TMEM268: variants seen among roughly 807,000 people sequenced by gnomAD.
TMEM268 encodes the protein transmembrane protein 268.
In TMEM268, 24 loss-of-function variants were observed where a neutral mutation model predicts 39.1. The observed-to-expected ratio is 0.61, with a 90% confidence interval of 0.44 to 0.86. TMEM268 has a LOEUF of 0.86. TMEM268 is among the 40% of genes least tolerant of loss of function. The pLI, the probability that TMEM268 is intolerant of heterozygous loss-of-function variation, is 0.00. For synonymous variants in TMEM268, 176 were observed against 173.5 expected (o/e 1.01, Z -0.12); for missense variants, 409 against 428.6 (o/e 0.95, Z 0.40).
At chr9:114,614,090 C>T (rs1845609977) in intron 1 of TMEM268, among the ~76,000 whole-genome samples, 2 of 152,318 alleles carry the variant, frequency 1.3e-5, no homozygotes, top group South Asian at 4.1e-4. Context: ...CCCCATTTTA[C>T]AGATGAGAAC....
At chr9:114,617,067 CG>C (rs1204711817) in intron 1 of TMEM268, 50 bp from the exon 2 acceptor site, 8 of 609,074 alleles carry the variant, frequency 1.3e-5, no homozygotes, top group Non-Finnish European at 2.0e-5. Flanking sequence ...CTAGGAACCC[CG>C]GCTTGCCCAG....
Position 114,643,510 on chromosome 9 carries a change from GCTGACCCC to G in TMEM268, c.*201_*208del. The G allele has an allele frequency of 1.7e-6, 1 of 587,526 alleles. No homozygotes were observed. Among genetic ancestry groups the G allele is most frequent in the South Asian group, 2.1e-5 (1 of 48,150 alleles). The allele number at this position is 587,526 out of a possible 1,614,324, so 36.4% of individuals were successfully genotyped here. On this transcript the variant is annotated 3_prime_UTR_variant, in exon 9 of 9. Transcript: ENST00000288502. ...CAAAAATCCTTGTTTGACATCTCAT[GCTGACCCC>G]CTGGCCTTTGCAGAAGCTGATGGTT...
At chr9:114,633,327 A>T (rs1363694865) in intron 5 of TMEM268, among the ~76,000 whole-genome samples, 1 of 151,718 alleles carries the variant, frequency 6.6e-6, no homozygotes, top group Non-Finnish European at 1.5e-5. Flanking sequence ...ACGCCCAGCT[A>T]ATTTTTGTAT....
At chr9:114,614,566 C>T (rs570908861) in intron 1 of TMEM268, among the ~76,000 whole-genome samples, 1 of 152,348 alleles carries the variant, frequency 6.6e-6, no homozygotes, top group African/African-American at 2.4e-5. Flanking sequence ...CCTGTTCCCC[C>T]TCTAGGGGGC....
intron 6 of TMEM268, among the ~76,000 whole-genome samples, chr9:114,634,798 AC>A (rs140432963): frequency 0.063 from 9,646 of 152,248 alleles, 472 homozygotes; most frequent in South Asian, 0.19. Flanking sequence ...AGCAGAGAAC[AC>A]ATGCAGGTCC....
chr9:114,626,536 A>T (rs190798782), intron 3 of TMEM268, among the ~76,000 whole-genome samples: 3 of 152,364 alleles, frequency 2.0e-5, no homozygotes, highest in Admixed American at 1.3e-4. Flanking sequence ...TTTACAGAGG[A>T]AAAAACAGGC....
At chr9:114,621,452 G>A (rs1223551919) in intron 2 of TMEM268, among the ~76,000 whole-genome samples, 3 of 152,314 alleles carry the variant, frequency 2.0e-5, no homozygotes, top group South Asian at 4.1e-4. Flanking sequence ...GGGATTCAGT[G>A]ATGAACAAAC....
intron 2 of TMEM268, 138 bp downstream of exon 2, chr9:114,617,439 C>T: frequency 1.4e-6 from 1 of 718,584 alleles, no homozygotes; most frequent in Non-Finnish European, 2.5e-6. Context: ...CCAGTTCTGT[C>T]TCTTGGCCTT....
intron 1 of TMEM268, among the ~76,000 whole-genome samples, chr9:114,614,966 G>A (rs1305491617): frequency 6.7e-6 from 1 of 149,680 alleles, no homozygotes; most frequent in Non-Finnish European, 1.5e-5. Flanking sequence ...GCGTGATCTC[G>A]GCTCACTGCA....
intron 2 of TMEM268, among the ~76,000 whole-genome samples, chr9:114,622,947 A>T (rs535006976): frequency 1.3e-5 from 2 of 152,072 alleles, no homozygotes; most frequent in South Asian, 4.1e-4. Flanking sequence ...AAAATTAGCC[A>T]GGCATGGTGG....
chr9:114,624,351 G>C lies in TMEM268; in HGVS notation c.108G>C (p.Glu36Asp). 1 of 1,598,420 alleles carries C rather than the reference G, an allele frequency of 6.3e-7. No individual in the cohort carries two copies. Among genetic ancestry groups the C allele is most frequent in the East Asian group, 2.2e-5 (1 of 44,530 alleles). The change falls in exon 3 of 9, where the codon GAG (glutamate) becomes GAC (aspartate). Residue 36 changes from glutamate (E) to aspartate (D), a missense_variant and splice_region_variant. By Grantham distance (45) the Glu-to-Asp change is conservative. Transcript: ENST00000288502. ...ATGAAGCTTCTGGTCTGCTTCCAGA[G>C]CTCCACAATGGCCAGGTCCTCACTG... ...PGGSPPGWGQ[E>D]LHNGQVLTVL...
intron 1 of TMEM268, among the ~76,000 whole-genome samples, chr9:114,612,452 A>G (rs899004553): frequency 2.0e-5 from 3 of 151,738 alleles, no homozygotes; most frequent in Non-Finnish European, 4.4e-5. Flanking sequence ...TGTCTGTCTG[A>G]CCTTCTGTGT....
At chr9:114,605,962 C>T in the TMEM268 span, among the ~76,000 whole-genome samples, 1 of 151,342 alleles carries the variant, frequency 6.6e-6, no homozygotes, top group Non-Finnish European at 1.5e-5. Context: ...AAATAACTTA[C>T]AAAGCAGGAT....
At chr9:114,639,994 C>T (rs535948532) in intron 8 of TMEM268, among the ~76,000 whole-genome samples, 1 of 151,132 alleles carries the variant, frequency 6.6e-6, no homozygotes, top group South Asian at 2.1e-4. Context: ...AAGCGATCCA[C>T]CCGCTTCATC....
Position 114,626,882 on chromosome 9 carries a change from C to T in TMEM268, c.217-17C>T. 6.3e-7 allele frequency: 1 copy of T among 1,584,952 alleles called. No individual in the cohort carries two copies. The highest frequency in any genetic ancestry group is 8.7e-7 in the Non-Finnish European group (1 of 1,155,270). On this transcript the variant is annotated splice_polypyrimidine_tract_variant and intron_variant, in intron 3 of 8. Transcript: ENST00000288502. ...TGTCCTGCGGCTGATTGATCTCTTT[C>T]CCTGGGTTCCAAGCAGGTCCCGGCT...
chr9:114,616,658 G>T (rs1456230662), intron 1 of TMEM268, among the ~76,000 whole-genome samples: 1 of 151,684 alleles, frequency 6.6e-6, no homozygotes, highest in African/African-American at 2.4e-5. Context: ...GAGCCACCGT[G>T]CCTGGCTGAT....
rs1378414305 is a variant in TMEM268 at position 114,644,443 on chromosome 9, A to C, written c.*1130A>C. The C allele has an allele frequency of 6.6e-6, 1 of 152,230 alleles. No homozygotes were observed. The highest frequency in any genetic ancestry group is 1.5e-5 in the Non-Finnish European group (1 of 68,054). The allele number at this position is 152,230 out of a possible 1,614,324, so 9.4% of individuals were successfully genotyped here. A position where few individuals can be genotyped will look rare whatever the true frequency, so the allele number is the denominator to read the frequency against. ...AACCCTGCTGCTCTCTGCCTCCTTT[A>C]AATTCTTGATACAGCTGCTGCTTGT... is the stretch of plus-strand genomic sequence containing the variant. On this transcript the variant is annotated 3_prime_UTR_variant, in exon 9 of 9. Transcript: ENST00000288502.
chr9:114,642,380 G>A (rs1385649278), intron 8 of TMEM268, among the ~76,000 whole-genome samples: 1 of 151,646 alleles, frequency 6.6e-6, no homozygotes, highest in Non-Finnish European at 1.5e-5. Context: ...TACTGTCAGT[G>A]ATCATATTTA....
At chr9:114,616,944 C>T (rs142552730) in intron 1 of TMEM268, among the ~76,000 whole-genome samples, 174 bp from the exon 2 acceptor site, 70 of 152,256 alleles carry the variant, frequency 4.6e-4, no homozygotes, top group Admixed American at 1.2e-3. Context: ...TTCTCTTCCT[C>T]CTCCTTCTCC....
Sources: allele counts gnomAD v4.1 joint callset (sites outside exome capture counted in the v4.1 genomes callset), GRCh38; gene constraint gnomAD v4.1.1; transcripts MANE v1.5; gene names NCBI Gene and HGNC (gene_info 2026-07-23, HGNC 2026-07-21).